The following FGGY variants were observed in gnomAD, a reference collection of about 807,000 sequenced individuals.
The protein encoded by FGGY is FGGY carbohydrate kinase domain-containing protein.
FGGY carries 72 observed loss-of-function variants against 71.3 expected under a neutral mutation model. The ratio of observed to expected loss-of-function variants is 1.01; its 90% CI spans 0.84 to 1.23. The LOEUF (loss-of-function observed/expected upper bound fraction) is 1.23. Among genes scored for constraint, FGGY ranks in the 50% most tolerant of loss-of-function variants. The pLI is 0.00. For missense variants in FGGY, 668 were observed against 682.3 expected (o/e 0.98, Z 0.23); for synonymous variants, 251 against 250.3 (o/e 1.00, Z -0.02).
chr1:59,468,544 T>C (rs111365211), intron 6 of FGGY, among the ~76,000 whole-genome samples: 1,526 of 152,300 alleles, frequency 0.01, 14 homozygotes, highest in South Asian at 0.033. Flanking sequence ...AGCTACACTT[T>C]AGATATTTTT....
chr1:59,314,465 G>A (rs2045026852), intron 1 of FGGY, among the ~76,000 whole-genome samples: 1 of 152,108 alleles, frequency 6.6e-6, no homozygotes, highest in Non-Finnish European at 1.5e-5. Flanking sequence ...CCCTTTTAAA[G>A]GGCTCTCTGT....
At chr1:59,599,460 C>T (rs913756261) in intron 8 of FGGY, among the ~76,000 whole-genome samples, 24 of 151,626 alleles carry the variant, frequency 1.6e-4, no homozygotes, top group Admixed American at 7.2e-4. Flanking sequence ...TTTGGGAGGC[C>T]GAGACGGGCG....
At chr1:59,535,595 C>G (rs1049873185) in intron 7 of FGGY, among the ~76,000 whole-genome samples, 7 of 151,870 alleles carry the variant, frequency 4.6e-5, no homozygotes, top group African/African-American at 1.5e-4. Flanking sequence ...AAGCTCTCCT[C>G]AGCAAATGTA....
intron 5 of FGGY, among the ~76,000 whole-genome samples, chr1:59,394,036 T>C (rs1236888274): frequency 6.6e-6 from 1 of 152,208 alleles, no homozygotes; most frequent in Non-Finnish European, 1.5e-5. Context: ...AAGGTCTGCG[T>C]AGTGTCTCTT....
chr1:59,738,945 C>T (rs759480270), intron 14 of FGGY, among the ~76,000 whole-genome samples: 2 of 152,186 alleles, frequency 1.3e-5, no homozygotes, highest in Non-Finnish European at 2.9e-5. Context: ...ACAGGGGAAT[C>T]CAGGCACATT....
chr1:59,426,570 C>T (rs1215569156), intron 5 of FGGY, among the ~76,000 whole-genome samples: 1 of 152,202 alleles, frequency 6.6e-6, no homozygotes, highest in East Asian at 1.9e-4. Flanking sequence ...CCAGCCTGGT[C>T]TCACCTCAGG....
At chr1:59,377,470 A>C (rs1392874374) in intron 4 of FGGY, among the ~76,000 whole-genome samples, 1 of 152,102 alleles carries the variant, frequency 6.6e-6, no homozygotes, top group African/African-American at 2.4e-5. Context: ...TCTTGTGAGA[A>C]CTCACTCGCT....
chr1:59,511,547 T>C (rs987255447), intron 6 of FGGY, among the ~76,000 whole-genome samples: 2 of 152,160 alleles, frequency 1.3e-5, no homozygotes, highest in African/African-American at 2.4e-5. Flanking sequence ...TTATCTTGTC[T>C]TCCTAACTAG....
chr1:59,642,354 C>T (rs772678684), intron 11 of FGGY, among the ~76,000 whole-genome samples: 18 of 152,148 alleles, frequency 1.2e-4, no homozygotes, highest in African/African-American at 3.1e-4. Context: ...CGGCTGTGTG[C>T]GGTGGCTCAC....
chr1:59,533,220 C>A (rs1432491346), intron 7 of FGGY, among the ~76,000 whole-genome samples: 1 of 149,858 alleles, frequency 6.7e-6, no homozygotes, highest in Non-Finnish European at 1.5e-5. Flanking sequence ...AGGGAGTTCC[C>A]TTTCCTAGTC....
intron 4 of FGGY, among the ~76,000 whole-genome samples, chr1:59,373,403 A>T (rs1334033923): frequency 1.3e-5 from 2 of 152,212 alleles, no homozygotes; most frequent in Admixed American, 1.3e-4. Context: ...AAGGAAATTA[A>T]AGAGGATATA....
intron 5 of FGGY, among the ~76,000 whole-genome samples, chr1:59,402,903 C>T (rs1429832084): frequency 2.6e-5 from 4 of 152,140 alleles, no homozygotes; most frequent in African/African-American, 9.7e-5. Context: ...GGTGAAGATG[C>T]TTACCTCCCT....
intron 12 of FGGY, 166 bp downstream of exon 12, chr1:59,660,459 G>C (rs1355464232): frequency 6.1e-6 from 3 of 488,460 alleles, no homozygotes; most frequent in African/African-American, 2.0e-5. Context: ...GTTGATGAAA[G>C]GCCTCACCTG....
intron 14 of FGGY, 63 bp downstream of exon 14, chr1:59,674,196 A>G (rs771164206): frequency 1.8e-5 from 22 of 1,254,404 alleles, no homozygotes; most frequent in Non-Finnish European, 2.4e-5. Flanking sequence ...CTTCCTCTTG[A>G]CAGCAGCTCG....
chr1:59,650,850 C>T (rs1214154775), intron 11 of FGGY, among the ~76,000 whole-genome samples: 1 of 148,424 alleles, frequency 6.7e-6, no homozygotes, highest in African/African-American at 2.6e-5. Context: ...GTTAGGGTGT[C>T]AATTTTGGAT....
chr1:59,677,854 T>C (rs550090808), intron 14 of FGGY, among the ~76,000 whole-genome samples: 17 of 152,336 alleles, frequency 1.1e-4, no homozygotes, highest in African/African-American at 4.1e-4. Context: ...TCTCTTAGTT[T>C]GTCTCTGTCT....
At chr1:59,482,634 G>GTGTA (rs144699610) in intron 6 of FGGY, among the ~76,000 whole-genome samples, 6,286 of 147,384 alleles carry the variant, frequency 0.043, 425 homozygotes, top group African/African-American at 0.14. Context: ...GTGTCTGTGT[G>GTGTA]TATATATATA....
chr1:59,658,865 T>TG (rs1263248849), intron 11 of FGGY, among the ~76,000 whole-genome samples: 3 of 152,112 alleles, frequency 2.0e-5, no homozygotes, highest in African/African-American at 7.2e-5. Flanking sequence ...AAAAGAGATT[T>TG]GGGAGATCAA....
At chr1:59,436,449 A>T (rs2153469925) in intron 5 of FGGY, among the ~76,000 whole-genome samples, 1 of 151,936 alleles carries the variant, frequency 6.6e-6, no homozygotes, top group East Asian at 1.9e-4. Flanking sequence ...TTTGTAATTT[A>T]TTGTCTTTTC....
Sources: allele counts gnomAD v4.1 joint callset (sites outside exome capture counted in the v4.1 genomes callset), GRCh38; gene constraint gnomAD v4.1.1; transcripts MANE v1.5; gene names NCBI Gene and HGNC (gene_info 2026-07-23, HGNC 2026-07-21).